ABR: variants seen among roughly 807,000 people sequenced by gnomAD.
The protein encoded by ABR is active breakpoint cluster region-related protein.
In ABR, 35 loss-of-function variants were observed where a neutral mutation model predicts 107.2. The ratio of observed to expected loss-of-function variants is 0.33; its 90% CI spans 0.25 to 0.43. The LOEUF (loss-of-function observed/expected upper bound fraction) is 0.43, where lower values mean the gene tolerates loss of function less well. Ranked by LOEUF, ABR falls within the 20% of genes least tolerant of loss-of-function variation. The probability of loss-of-function intolerance (pLI) is 1.00; values close to 1 mark genes in which losing one functional copy is unlikely to be tolerated. For missense variants in ABR, 815 were observed against 1,115.2 expected (o/e 0.73, Z 3.83); for synonymous variants, 498 against 462.0 (o/e 1.08, Z -1.00).
intron 2 of ABR, among the ~76,000 whole-genome samples, chr17:1,108,428 C>A (rs1266062147): frequency 2.0e-5 from 3 of 152,256 alleles, no homozygotes; most frequent in African/African-American, 7.2e-5. Context: ...GGGCACCTGC[C>A]CACCTGGCTG....
Position 1,125,261 on chromosome 17 carries a change from C to T in ABR, c.168G>A (p.Met56Ile), listed in dbSNP as rs2039541102. ...TMPYIDESPTMSPQLSARSQG... is the reference protein window; with the variant it reads ...TMPYIDESPTISPQLSARSQG... ...GGCTGCGGGCGCTGAGCTGCGGGGACATGGTGGGCGACTCATCGATGTACG... is the reference window on the plus strand; with the variant it reads ...GGCTGCGGGCGCTGAGCTGCGGGGATATGGTGGGCGACTCATCGATGTACG... Residue 56 changes from methionine to isoleucine, a missense_variant, in exon 2 of 23, where the codon ATG becomes ATA. Met to Ile is a conservative substitution (Grantham distance 10, BLOSUM62 1). Around this residue, in one of 5 missense-constraint regions of ABR, gnomAD observed 129 missense variants for 124.8 expected, o/e 1.03. Coordinates refer to ENST00000302538, the MANE Select transcript of ABR (RefSeq NM_021962.5). The T allele has an allele frequency of 6.2e-7, 1 of 1,613,412 alleles. No homozygotes were observed. Among genetic ancestry groups the T allele is most frequent in the East Asian group, 2.2e-5 (1 of 44,842 alleles).
At chr17:1,008,161 G>A (rs1442008827) in intron 21 of ABR, among the ~76,000 whole-genome samples, 1 of 152,236 alleles carries the variant, frequency 6.6e-6, no homozygotes, top group East Asian at 1.9e-4. Flanking sequence ...CAACAGGCCA[G>A]ATGCTCTGCG....
At chr17:1,105,190 G>C (rs2038164986) in intron 2 of ABR, among the ~76,000 whole-genome samples, 2 of 151,692 alleles carry the variant, frequency 1.3e-5, no homozygotes, top group Admixed American at 1.3e-4. Context: ...TGTGTTTTTA[G>C]TAGAGACAGG....
At chr17:1,020,094 T>C (rs2071501242) in intron 16 of ABR, among the ~76,000 whole-genome samples, 1 of 152,146 alleles carries the variant, frequency 6.6e-6, no homozygotes, top group East Asian at 1.9e-4. Context: ...TCCTTCTTTT[T>C]TTTTTTTGAG....
At chr17:1,219,368 G>A (rs1355367506) in intron 1 of ABR, among the ~76,000 whole-genome samples, 1 of 141,566 alleles carries the variant, frequency 7.1e-6, no homozygotes, top group Non-Finnish European at 1.6e-5. Context: ...CTGGCTCATG[G>A]GTGACAAGGA....
At chr17:1,046,815 C>T (rs994430502) in intron 16 of ABR, among the ~76,000 whole-genome samples, 3 of 152,176 alleles carry the variant, frequency 2.0e-5, no homozygotes, top group African/African-American at 7.2e-5. Flanking sequence ...ACCCCAGTGT[C>T]CTCATCTGTA....
chr17:1,105,003 CTTTTTTTTTTTT>C (rs748696872), intron 2 of ABR, among the ~76,000 whole-genome samples: 9 of 125,768 alleles, frequency 7.2e-5, no homozygotes, highest in African/African-American at 2.5e-4. Flanking sequence ...TTTACAGTAA[CTTTTTTTTTTTT>C]TTTTTTTTTT....
intron 1 of ABR, among the ~76,000 whole-genome samples, chr17:1,171,104 C>T (rs544657241): frequency 2.7e-4 from 41 of 152,204 alleles, no homozygotes; most frequent in Non-Finnish European, 4.4e-4. Flanking sequence ...AAAAAGATGA[C>T]GTATGGGCTG....
chr17:1,091,630 C>A lies in ABR; in HGVS notation c.531+35G>T. The A allele has an allele frequency of 4.4e-6, 7 of 1,597,150 alleles. No individual in the cohort carries two copies. The South Asian group carries it at 6.9e-5, about 16-fold the overall frequency. On this transcript the variant is annotated intron_variant, in intron 4 of 22. Coordinates refer to ENST00000302538, the MANE Select transcript of ABR (RefSeq NM_021962.5). Reference sequence around the variant, plus strand: ...GCAACACTATGGGCTCCACTGAGGCCCTGCGTGAGGACCCTCCATCCCTGG... The same window carrying A: ...GCAACACTATGGGCTCCACTGAGGCACTGCGTGAGGACCCTCCATCCCTGG...
chr17:1,099,612 C>T lies in ABR; in HGVS notation c.345+1025G>A, dbSNP rs114440053. Among the ~76,000 whole-genome samples the T allele has an allele frequency of 8.4e-3, 1,285 of 152,332 alleles. 13 individuals are homozygous for T. The highest frequency in any genetic ancestry group is 0.028 in the African/African-American group (1,174 of 41,566). ...AAAATACCCAAAAGAAAGATTGACA[C>T]GCCACGATCACTCTGCATAACATCC... On this transcript the variant is annotated intron_variant, in intron 3 of 22. Transcript: ENST00000302538.
rs149209956 is a variant in ABR, at chr17:1,124,918, G to A, written c.246+265C>T. ...AACAGGGGAAAGCTGAAAGAGGCACGGAGGGGTCTGGGAGGCCTGGGGAGC... is the reference window on the plus strand; with the variant it reads ...AACAGGGGAAAGCTGAAAGAGGCACAGAGGGGTCTGGGAGGCCTGGGGAGC... On this transcript the variant is annotated intron_variant, in intron 2 of 22. Transcript: ENST00000302538. Among the ~76,000 whole-genome samples the A allele has an allele frequency of 1.0e-3, 153 of 152,268 alleles. 2 individuals carry two copies. The highest frequency in any genetic ancestry group is 3.4e-3 in the African/African-American group (141 of 41,550).
rs981992179 is a variant in ABR, at chr17:1,200,370, C to T, written c.838+28423G>A. Reference sequence around the variant, plus strand: ...TGGGCAACATAGCAAGACACTGTCTCCATTAAAAAAAATTTTTTTAAATAA... The same window carrying T: ...TGGGCAACATAGCAAGACACTGTCTTCATTAAAAAAAATTTTTTTAAATAA... On this transcript the variant is annotated intron_variant, in intron 1 of 22. Transcript: ENST00000574139. The surrounding 1 kb of genome is among the most constrained non-coding windows in gnomAD (Gnocchi z 4.1). 6.6e-6 allele frequency among the ~76,000 whole-genome samples: 1 copy of T among 151,946 alleles called. No individual in the cohort carries two copies. The highest frequency in any genetic ancestry group is 2.4e-5 in the African/African-American group (1 of 41,360).
intron 1 of ABR, among the ~76,000 whole-genome samples, chr17:1,161,535 C>T (rs371422545): frequency 1.2e-3 from 183 of 149,814 alleles, no homozygotes; most frequent in Admixed American, 4.8e-3. Flanking sequence ...TGTGAGCCAC[C>T]GTGCCCGGTC....
intron 22 of ABR, among the ~76,000 whole-genome samples, chr17:1,006,812 G>T (rs2070076184): frequency 9.1e-6 from 1 of 110,358 alleles, no homozygotes; most frequent in Non-Finnish European, 1.9e-5. Context: ...CCCTCCGCCA[G>T]CCACGGGCCC....
chr17:1,172,401 C>T (rs537322853), intron 1 of ABR, among the ~76,000 whole-genome samples: 24 of 152,322 alleles, frequency 1.6e-4, no homozygotes, highest in African/African-American at 4.8e-4. Flanking sequence ...GGAACATTCC[C>T]GCTGCTCCCA....
intron 10 of ABR, among the ~76,000 whole-genome samples, chr17:1,061,604 T>C (rs543073758): frequency 6.6e-6 from 1 of 152,102 alleles, no homozygotes; most frequent in African/African-American, 2.4e-5. Flanking sequence ...TGGAGTGCAG[T>C]GGCGTGATCT....
At chr17:1,081,914 C>T (rs1382019834) in intron 5 of ABR, among the ~76,000 whole-genome samples, 5 of 152,156 alleles carry the variant, frequency 3.3e-5, no homozygotes, top group Non-Finnish European at 5.9e-5. Flanking sequence ...GAAGTGTCAG[C>T]AAGCCCACTG....
Position 1,033,098 on chromosome 17 carries a change from C to T in ABR, c.1791+16952G>A, listed in dbSNP as rs376003023. On this transcript the variant is annotated intron_variant, in intron 16 of 22. Transcript: ENST00000302538. ...GTGCTCACAAGCACTGTGCCTTACT[C>T]AAACATGGATGATGCTTTGGATTCA... Among the ~76,000 whole-genome samples the T allele has an allele frequency of 3.9e-4, 60 of 152,308 alleles. No homozygotes were observed. The South Asian group carries it at 0.012, about 31-fold the overall frequency.
intron 1 of ABR, among the ~76,000 whole-genome samples, chr17:1,130,302 C>G (rs916411821): frequency 6.6e-6 from 1 of 152,106 alleles, no homozygotes; most frequent in Admixed American, 6.6e-5. Context: ...AGACCACACA[C>G]GTAGGGAACC....
Sources: allele counts gnomAD v4.1 joint callset (sites outside exome capture counted in the v4.1 genomes callset), GRCh38; gene constraint gnomAD v4.1.1; regional missense constraint gnomAD v4.1.1; non-coding constraint Gnocchi (gnomAD v3.1); transcripts MANE v1.5; gene names NCBI Gene and HGNC (gene_info 2026-07-23, HGNC 2026-07-21).